The following TBC1D1 variants were observed in gnomAD, a reference collection of about 807,000 sequenced individuals.
TBC1D1 encodes TBC1 (tre-2/USP6, BUB2, cdc16) domain family, member 1.
TBC1D1 carries 89 observed loss-of-function variants against 125.6 expected under a neutral mutation model. The observed-to-expected ratio is 0.71, with a 90% CI of 0.60 to 0.85. The LOEUF (loss-of-function observed/expected upper bound fraction) is 0.85. TBC1D1 is among the 40% of genes least tolerant of loss of function. The probability of loss-of-function intolerance (pLI) is 0.00; values close to 1 mark genes in which losing one functional copy is unlikely to be tolerated. For synonymous variants in TBC1D1, 565 were observed against 564.1 expected (o/e 1.00, Z -0.02); for missense variants, 1,377 against 1,469.2 (o/e 0.94, Z 1.03).
intron 11 of TBC1D1, among the ~76,000 whole-genome samples, 169 bp from the exon 12 acceptor site, chr4:38,051,730 A>G (rs1441314055): frequency 6.6e-6 from 1 of 152,188 alleles, no homozygotes; most frequent in African/African-American, 2.4e-5. Flanking sequence ...TACCTTTGCC[A>G]GAGAGCGAGC....
At chr4:38,003,322 A>T (rs1739429225) in intron 2 of TBC1D1, among the ~76,000 whole-genome samples, 1 of 151,962 alleles carries the variant, frequency 6.6e-6, no homozygotes, top group Non-Finnish European at 1.5e-5. Flanking sequence ...AAGGAGGGGG[A>T]CATGTTCTGT....
chr4:38,025,820 C>T (rs1744968561), intron 6 of TBC1D1, among the ~76,000 whole-genome samples: 1 of 152,184 alleles, frequency 6.6e-6, no homozygotes, highest in Admixed American at 6.5e-5. Context: ...GTTTCCCTGG[C>T]TTCATGTGAC....
intron 2 of TBC1D1, among the ~76,000 whole-genome samples, chr4:37,915,526 T>G (rs1220625767): frequency 2.0e-5 from 3 of 152,214 alleles, no homozygotes; most frequent in Non-Finnish European, 4.4e-5. Flanking sequence ...CTCTGTCTTT[T>G]TCTTCTATTC....
intron 4 of TBC1D1, 142 bp from the exon 5 acceptor site, chr4:38,020,449 G>C: frequency 1.6e-6 from 1 of 610,930 alleles, no homozygotes; most frequent in Non-Finnish European, 2.8e-6. Context: ...TTGTACTCCA[G>C]CCTGGGCAAC....
intron 18 of TBC1D1, among the ~76,000 whole-genome samples, chr4:38,131,529 C>T (rs1222298573): frequency 2.0e-5 from 3 of 152,138 alleles, no homozygotes; most frequent in Non-Finnish European, 4.4e-5. Context: ...ACCTGCCAGG[C>T]GTGTGCTGGG....
chr4:37,926,632 C>A (rs1365182057), intron 2 of TBC1D1, among the ~76,000 whole-genome samples: 3 of 152,154 alleles, frequency 2.0e-5, no homozygotes, highest in Non-Finnish European at 2.9e-5. Context: ...GCCCTCAATT[C>A]AATACATATC....
At chr4:37,923,595 T>C (rs4832743) in intron 2 of TBC1D1, among the ~76,000 whole-genome samples, 57,957 of 151,686 alleles carry the variant, frequency 0.38, 11,535 homozygotes, top group East Asian at 0.67. Context: ...ACATGTATGT[T>C]TAATTCCATC....
intron 2 of TBC1D1, among the ~76,000 whole-genome samples, chr4:37,975,232 C>T (rs1732826964): frequency 6.6e-6 from 1 of 152,126 alleles, no homozygotes; most frequent in South Asian, 2.1e-4. Flanking sequence ...TGCCTGGCAG[C>T]CGAGGCAGAG....
At chr4:38,094,718 C>T (rs950770622) in intron 13 of TBC1D1, among the ~76,000 whole-genome samples, 2 of 151,950 alleles carry the variant, frequency 1.3e-5, no homozygotes, top group Admixed American at 1.3e-4. Flanking sequence ...GGTGGCCAGA[C>T]GTGCTTGTAG....
chr4:38,090,431 C>T (rs997280793), intron 13 of TBC1D1, among the ~76,000 whole-genome samples: 1 of 149,590 alleles, frequency 6.7e-6, no homozygotes, highest in Non-Finnish European at 1.5e-5. Flanking sequence ...TTTTGTTTTC[C>T]CCTCTGTCTC....
At chr4:37,938,855 T>C (rs1577951714) in intron 2 of TBC1D1, among the ~76,000 whole-genome samples, 1 of 152,244 alleles carries the variant, frequency 6.6e-6, no homozygotes, top group Non-Finnish European at 1.5e-5. Context: ...GGACATGAAC[T>C]CATCCTTTTG....
At chr4:37,982,480 C>T (rs971837588) in intron 2 of TBC1D1, among the ~76,000 whole-genome samples, 8 of 152,144 alleles carry the variant, frequency 5.3e-5, no homozygotes, top group Admixed American at 2.0e-4. Context: ...TGTGCTGCCT[C>T]GGCTAAGCAA....
intron 2 of TBC1D1, among the ~76,000 whole-genome samples, chr4:37,949,274 A>C (rs1236122948): frequency 6.6e-6 from 1 of 152,244 alleles, no homozygotes; most frequent in Non-Finnish European, 1.5e-5. Context: ...CTTAGGTTAC[A>C]GGTATCAATG....
chr4:38,100,205 G>C (rs1760059569), intron 14 of TBC1D1, among the ~76,000 whole-genome samples: 1 of 152,070 alleles, frequency 6.6e-6, no homozygotes, highest in African/African-American at 2.4e-5. Context: ...CAGAGATCAG[G>C]GTATATTTGC....
At chr4:37,960,536 A>G in intron 2 of TBC1D1, 6 of 1,614,198 alleles carry the variant, frequency 3.7e-6, no homozygotes, top group Non-Finnish European at 5.1e-6. Context: ...CAATCAAAGC[A>G]TTAGATGGGA....
chr4:38,135,886 G>A (rs556407193), intron 19 of TBC1D1, among the ~76,000 whole-genome samples: 112 of 149,762 alleles, frequency 7.5e-4, no homozygotes, highest in Non-Finnish European at 1.4e-3. Flanking sequence ...GTGTGTGTGT[G>A]TATATATGTG....
At chr4:38,058,140 C>T (rs979684112) in intron 12 of TBC1D1, among the ~76,000 whole-genome samples, 3 of 152,204 alleles carry the variant, frequency 2.0e-5, no homozygotes, top group African/African-American at 7.2e-5. Context: ...CCATCCTGAC[C>T]GCCTCCCTAA....
chr4:37,902,190 A>G lies in TBC1D1; in HGVS notation c.95A>G (p.His32Arg), dbSNP rs1190507133. The G allele has an allele frequency of 5.0e-6, 8 of 1,614,136 alleles. No individual in the cohort carries two copies. Among genetic ancestry groups the G allele is most frequent in the Non-Finnish European group, 6.8e-6 (8 of 1,180,028 alleles). Residue 32 changes from histidine to arginine, a missense_variant, in exon 2 of 20, where the codon CAT (histidine) becomes CGT (arginine). Around this residue, in one of 3 missense-constraint regions of TBC1D1, gnomAD observed 822 missense variants for 824.6 expected, o/e 1.00. Coordinates refer to ENST00000261439, the MANE Select transcript of TBC1D1 (RefSeq NM_015173.4). ...CAGCTGGTGGGCTCCCTGCCTGTGC[A>G]TTCCCTGACCACCATGCCCATGCTG...
chr4:38,015,907 A>G (rs1178122641), intron 3 of TBC1D1, among the ~76,000 whole-genome samples: 1 of 152,164 alleles, frequency 6.6e-6, no homozygotes, highest in African/African-American at 2.4e-5. Flanking sequence ...TCTTTTGACC[A>G]TTGATCTAGT....
Sources: allele counts gnomAD v4.1 joint callset (sites outside exome capture counted in the v4.1 genomes callset), GRCh38; gene constraint gnomAD v4.1.1; regional missense constraint gnomAD v4.1.1; transcripts MANE v1.5; gene names NCBI Gene and HGNC (gene_info 2026-07-23, HGNC 2026-07-21).